The following CYTH3 variants were observed in gnomAD, a reference collection of about 807,000 sequenced individuals.
CYTH3 encodes cytohesin 3.
A neutral mutation model predicts 55.1 loss-of-function variants in CYTH3; 23 were observed. The ratio of observed to expected loss-of-function variants is 0.42; its 90% CI spans 0.30 to 0.59. CYTH3 has a LOEUF of 0.59. CYTH3 is among the 20% of genes least tolerant of loss of function. The pLI is 0.20. For missense variants in CYTH3, 413 were observed against 524.8 expected, an observed-to-expected ratio of 0.79 and a Z score of 2.08; for synonymous variants, 249 against 194.9, an observed-to-expected ratio of 1.28 and a Z score of -2.31.
Position 6,259,734 on chromosome 7 carries a change from CATATATATAATAT to C in CYTH3, c.34+12727_34+12739del, listed in dbSNP as rs1562417106. Among the ~76,000 whole-genome samples the C allele has an allele frequency of 1.8e-4, 11 of 61,968 alleles. 2 individuals carry two copies. The highest frequency in any genetic ancestry group is 1.0e-3 in the African/African-American group (11 of 10,626). 40.7% of individuals were successfully genotyped at this position (61,968 alleles called of 152,430 possible). A position where few individuals can be genotyped will look rare whatever the true frequency, so the allele number is the denominator to read the frequency against. On this transcript the variant is annotated intron_variant, in intron 1 of 12. Coordinates refer to ENST00000350796, the MANE Select transcript of CYTH3 (RefSeq NM_004227.4). The stretch of plus-strand genomic sequence containing the variant: ...CCACAAACTCAAAATATTTTACATA[CATATATATAATAT>C]ATATATATATTATATATATATATAT...
chr7:6,267,973 C>T (rs539053666), intron 1 of CYTH3, among the ~76,000 whole-genome samples: 6 of 152,198 alleles, frequency 3.9e-5, no homozygotes, highest in South Asian at 2.1e-4. Flanking sequence ...AATAAAAAGG[C>T]GCATAGTGAA....
intron 1 of CYTH3, among the ~76,000 whole-genome samples, chr7:6,268,586 A>T (rs1021123710): frequency 6.6e-6 from 1 of 152,214 alleles, no homozygotes; most frequent in Non-Finnish European, 1.5e-5. Flanking sequence ...GATTTATCTG[A>T]TAAGTCTCTT....
intron 1 of CYTH3, among the ~76,000 whole-genome samples, chr7:6,241,913 T>A (rs917236899): frequency 6.6e-6 from 1 of 152,222 alleles, no homozygotes; most frequent in African/African-American, 2.4e-5. Context: ...TTTACATTTT[T>A]ATTATAATTG....
At position 6,171,001 on chromosome 7, in the gene CYTH3, G is replaced by T. The variant is rs1783171745; in HGVS notation, c.563-23C>A. The stretch of plus-strand genomic sequence containing the variant: ...TGTCTGCAACGAGTCCGGGGTGCTG[G>T]GCTCAGCCAGAACCTCCAGTGGACA... On this transcript the variant is annotated intron_variant, in intron 7 of 12. Transcript: ENST00000350796. This position sits in a 1 kb window ranked among gnomAD's most constrained non-coding sequence, Gnocchi z 6.7. 1 of 1,612,756 alleles carries T rather than the reference G, an allele frequency of 6.2e-7. No homozygotes were observed. The highest frequency in any genetic ancestry group is 1.3e-5 in the African/African-American group (1 of 74,924).
At chr7:6,259,998 T>A (rs1349465512) in intron 1 of CYTH3, among the ~76,000 whole-genome samples, 3 of 147,612 alleles carry the variant, frequency 2.0e-5, no homozygotes, top group Non-Finnish European at 4.5e-5. Flanking sequence ...ACCAGGCTAA[T>A]TTTGTATTTT....
chr7:6,229,869 C>T (rs1188270248), intron 1 of CYTH3, among the ~76,000 whole-genome samples: 1 of 150,182 alleles, frequency 6.7e-6, no homozygotes, highest in African/African-American at 2.5e-5. Context: ...GGCTGGGTGG[C>T]TCATGCCCGT....
At chr7:6,188,571 C>T (rs1783716987) in intron 2 of CYTH3, 1 of 152,192 alleles carries the variant, frequency 6.6e-6, no homozygotes, top group African/African-American at 2.4e-5. Flanking sequence ...ACTTGTATCA[C>T]CTTGAATGAG....
chr7:6,191,227 C>T (rs945291145), intron 1 of CYTH3, among the ~76,000 whole-genome samples: 1 of 152,072 alleles, frequency 6.6e-6, no homozygotes, highest in South Asian at 2.1e-4. Context: ...GCAGGAGGAT[C>T]GCTTGAGCCC....
chr7:6,259,780 ATATAATATATAT>A (rs1562417613), intron 1 of CYTH3, among the ~76,000 whole-genome samples: 341 of 22,128 alleles, frequency 0.015, 13 homozygotes, highest in Middle Eastern at 0.024. Flanking sequence ...TATTATATAT[ATATAATATATAT>A]ATATATATAT....
Position 6,173,670 on chromosome 7 carries a change from G to C in CYTH3, c.432C>G (p.Asn144Lys). ...FVELHEFADLNLVQALRQFLW... is the reference protein window; with the variant it reads ...FVELHEFADLKLVQALRQFLW... ...ATACTTACCTTAAGGCTTGTACAAGGTTGAGATCAGCAAACTCATGGAGTT... is the reference window on the plus strand; with the variant it reads ...ATACTTACCTTAAGGCTTGTACAAGCTTGAGATCAGCAAACTCATGGAGTT... The change falls in exon 6 of 13, where the codon AAC (asparagine) becomes AAG (lysine). Residue 144 changes from asparagine to lysine, a missense_variant. This residue lies in a region of CYTH3 where 156 missense variants were observed against 233.1 expected (regional missense o/e 0.67). Transcript: ENST00000350796. 6.2e-7 allele frequency: 1 copy of C among 1,609,942 alleles called. No individual in the cohort carries two copies. Among genetic ancestry groups the C allele is most frequent in the Non-Finnish European group, 8.5e-7 (1 of 1,176,272 alleles).
In CYTH3 at chr7:6,170,051, G is replaced by C. The variant is rs995738585; in HGVS notation, c.823+484C>G. The C allele has an allele frequency of 5.9e-6, 1 of 169,060 alleles. No homozygotes were observed. The highest frequency in any genetic ancestry group is 2.4e-5 in the African/African-American group (1 of 41,628). 10.5% of individuals were successfully genotyped at this position (169,060 alleles called of 1,614,324 possible). A position where few individuals can be genotyped will look rare whatever the true frequency, so the allele number is the denominator to read the frequency against. ...GAGAGCGAGAGGAATGAGCCGCTGA[G>C]GGGGCGGGGAGCCACTGGGTACCTA... On this transcript the variant is annotated intron_variant, in intron 9 of 12. Transcript: ENST00000350796. This position sits in a 1 kb window ranked among gnomAD's most constrained non-coding sequence, Gnocchi z 7.8.
At chr7:6,173,502 G>C (rs1783255582) in intron 6 of CYTH3, 151 bp downstream of exon 6, 2 of 665,278 alleles carry the variant, frequency 3.0e-6, no homozygotes, top group South Asian at 3.5e-5. Flanking sequence ...GTGTCACACA[G>C]CATTAGCTGG....
chr7:6,223,916 G>C (rs1200694797), intron 1 of CYTH3, among the ~76,000 whole-genome samples: 1 of 144,520 alleles, frequency 6.9e-6, no homozygotes, highest in East Asian at 2.1e-4. Flanking sequence ...TTGCAAGACA[G>C]ATCATGTACA....
At position 6,169,180 on chromosome 7, in the gene CYTH3, G is replaced by GC. The variant is rs1783098493; in HGVS notation, c.823+1354dup. On this transcript the variant is annotated intron_variant, in intron 9 of 12. Coordinates refer to ENST00000350796, the MANE Select transcript of CYTH3 (RefSeq NM_004227.4). This position sits in a 1 kb window ranked among gnomAD's most constrained non-coding sequence, Gnocchi z 4.1. Reference sequence around the variant, plus strand: ...TGTGGGACTCACACCCTTTCCACCAGCTGAGGAGGCCTGTGCCCGTCACAC... The same window carrying GC: ...TGTGGGACTCACACCCTTTCCACCAGCCTGAGGAGGCCTGTGCCCGTCACAC... 6.6e-6 allele frequency among the ~76,000 whole-genome samples: 1 copy of GC among 152,174 alleles called. No individual in the cohort carries two copies. Among genetic ancestry groups the GC allele is most frequent in the Non-Finnish European group, 1.5e-5 (1 of 68,044 alleles).
intron 1 of CYTH3, among the ~76,000 whole-genome samples, chr7:6,210,860 T>C (rs1030348303): frequency 6.6e-6 from 1 of 152,204 alleles, no homozygotes; most frequent in African/African-American, 2.4e-5. Context: ...GTTGTTACAC[T>C]TAAAATGCTT....
chr7:6,213,477 G>A (rs1239645180), intron 1 of CYTH3, among the ~76,000 whole-genome samples: 1 of 152,038 alleles, frequency 6.6e-6, no homozygotes, highest in African/African-American at 2.4e-5. Flanking sequence ...AACAACGACG[G>A]CTCTGATTCC....
intron 1 of CYTH3, among the ~76,000 whole-genome samples, chr7:6,221,000 A>G (rs1784537672): frequency 6.6e-6 from 1 of 152,224 alleles, no homozygotes; most frequent in South Asian, 2.1e-4. Context: ...CTTCTCCAAA[A>G]AAAAAACTAA....
chr7:6,188,042 C>G (rs547138667), intron 2 of CYTH3, among the ~76,000 whole-genome samples: 6 of 152,044 alleles, frequency 3.9e-5, no homozygotes, highest in Non-Finnish European at 8.8e-5. Context: ...AAAGATAAAA[C>G]CAAGCCAGGA....
At chr7:6,227,110 G>C (rs1203433250) in intron 1 of CYTH3, among the ~76,000 whole-genome samples, 1 of 151,518 alleles carries the variant, frequency 6.6e-6, no homozygotes, top group African/African-American at 2.4e-5. Flanking sequence ...GAAAGGGCTG[G>C]CACATGGTGT....
Sources: gnomAD v4.1 joint callset for allele counts (sites outside exome capture counted in the v4.1 genomes callset) on GRCh38, gnomAD v4.1.1 for gene constraint, gnomAD v4.1.1 regional missense constraint, Gnocchi (gnomAD v3.1) non-coding constraint, MANE v1.5 for transcripts, NCBI Gene and HGNC (gene_info 2026-07-23, HGNC 2026-07-21) for gene names.